KALRN: variants seen among roughly 807,000 people sequenced by gnomAD.
KALRN encodes kalirin RhoGEF kinase, also known as kalirin.
KALRN carries 70 observed loss-of-function variants against 353.7 expected under a neutral mutation model. That is an observed-to-expected ratio of 0.20 (90% confidence interval 0.16 to 0.24). The LOEUF (loss-of-function observed/expected upper bound fraction) is 0.24. Among genes scored for constraint, KALRN ranks in the 10% least tolerant of loss-of-function variants. The probability of loss-of-function intolerance (pLI) is 1.00; values close to 1 mark genes in which losing one functional copy is unlikely to be tolerated. For missense variants in KALRN, 2,791 were observed against 3,756.7 expected (o/e 0.74, Z 6.72); for synonymous variants, 1,391 against 1,434.8 (o/e 0.97, Z 0.69).
intron 34 of KALRN, among the ~76,000 whole-genome samples, chr3:124,627,740 C>G (rs934663927): frequency 2.0e-5 from 3 of 152,192 alleles, no homozygotes; most frequent in Non-Finnish European, 2.9e-5. Context: ...TATCACCCAG[C>G]CTTCTGAGAA....
intron 34 of KALRN, among the ~76,000 whole-genome samples, chr3:124,570,183 A>G (rs1254014833): frequency 6.6e-6 from 1 of 152,224 alleles, no homozygotes; most frequent in Admixed American, 6.5e-5. Flanking sequence ...TTTATGCCAT[A>G]ATGCCTAACA....
chr3:124,105,495 T>C (rs1253901947), intron 1 of KALRN, among the ~76,000 whole-genome samples: 1 of 152,124 alleles, frequency 6.6e-6, no homozygotes, highest in African/African-American at 2.4e-5. Flanking sequence ...TCGAAAGTAT[T>C]GACAAGGGAG....
intron 34 of KALRN, among the ~76,000 whole-genome samples, chr3:124,580,947 A>AAATGATAATAGTAAT (rs2074568257): frequency 6.8e-6 from 1 of 147,530 alleles, no homozygotes; most frequent in Non-Finnish European, 1.5e-5. Context: ...GTCTCTATTA[A>AAATGATAATAGTAAT]AATAATAATA....
At chr3:124,364,984 C>T (rs1040238897) in intron 10 of KALRN, among the ~76,000 whole-genome samples, 2 of 152,216 alleles carry the variant, frequency 1.3e-5, no homozygotes, top group Non-Finnish European at 2.9e-5. Flanking sequence ...CAAAAAGTCA[C>T]TTCCTGAAAA....
At chr3:124,266,726 T>C (rs1264739733) in intron 4 of KALRN, among the ~76,000 whole-genome samples, 1 of 152,224 alleles carries the variant, frequency 6.6e-6, no homozygotes, top group Non-Finnish European at 1.5e-5. Context: ...GACCTGACAC[T>C]TGATGCAGGC....
At chr3:124,717,057 A>G (rs532341330) in intron 58 of KALRN, among the ~76,000 whole-genome samples, 190 bp from the exon 59 acceptor site, 1 of 152,352 alleles carries the variant, frequency 6.6e-6, no homozygotes, top group East Asian at 1.9e-4. Context: ...ATTTGTAAAT[A>G]TATTTATTTT....
At chr3:124,248,445 C>T (rs561675002) in intron 3 of KALRN, among the ~76,000 whole-genome samples, 20 of 152,286 alleles carry the variant, frequency 1.3e-4, no homozygotes, top group East Asian at 1.2e-3. Flanking sequence ...TGCCAGGGGA[C>T]GGAGCATGGA....
rs77910494 is a variant in KALRN at position 124,224,957 on chromosome 3, C to T, written c.74-3033C>T. On this transcript the variant is annotated intron_variant, in intron 1 of 59. Transcript: ENST00000682506. ...TATAAGTCATTTTAGGAAGGGTCAA[C>T]ATTTCATTGATTCATTTATTCTTTC... 4.6e-5 allele frequency among the ~76,000 whole-genome samples: 7 copies of T among 152,280 alleles called. No individual in the cohort carries two copies. The East Asian group carries it at 1.3e-3, about 29-fold the overall frequency.
chr3:124,302,060 C>T (rs904430364), intron 6 of KALRN, among the ~76,000 whole-genome samples: 2 of 152,178 alleles, frequency 1.3e-5, no homozygotes, highest in African/African-American at 4.8e-5. Flanking sequence ...TTTTTAAAGA[C>T]AGTTTCCGGA....
Position 124,113,936 on chromosome 3 carries a change from C to T in KALRN, c.73+80123C>T, listed in dbSNP as rs145888649. 2.6e-4 allele frequency among the ~76,000 whole-genome samples: 40 copies of T among 152,276 alleles called. No homozygotes were observed. In the East Asian group the frequency reaches 7.4e-3, roughly 28 times the overall value. ...ACTTAAGGAGAGAAGGATCCAAGGG[C>T]CATGGTGAATATCTGTCTCAACCCA... On this transcript the variant is annotated intron_variant, in intron 1 of 59. Transcript: ENST00000682506.
At chr3:124,619,374 G>A (rs183535191) in intron 34 of KALRN, among the ~76,000 whole-genome samples, 4 of 151,708 alleles carry the variant, frequency 2.6e-5, no homozygotes, top group African/African-American at 9.7e-5. Flanking sequence ...ATGTTGCAAT[G>A]AATGTAAGGG....
At chr3:124,460,899 C>T (rs938632460) in intron 23 of KALRN, among the ~76,000 whole-genome samples, 2 of 152,182 alleles carry the variant, frequency 1.3e-5, no homozygotes, top group Non-Finnish European at 2.9e-5. Context: ...TTTAAAGATG[C>T]ATAACACAGA....
intron 31 of KALRN, 124 bp downstream of exon 31, chr3:124,491,548 G>A: frequency 1.8e-6 from 1 of 568,862 alleles, no homozygotes; most frequent in Non-Finnish European, 2.8e-6. Context: ...TTTGGGAATG[G>A]CAGCATCACG....
At chr3:124,653,159 T>C (rs1227371234) in intron 38 of KALRN, among the ~76,000 whole-genome samples, 1 of 152,234 alleles carries the variant, frequency 6.6e-6, no homozygotes, top group Non-Finnish European at 1.5e-5. Flanking sequence ...GGTGTTTCAC[T>C]GTAAACCATA....
chr3:124,702,596 T>G (rs1361817852), intron 57 of KALRN, among the ~76,000 whole-genome samples: 1 of 152,228 alleles, frequency 6.6e-6, no homozygotes, highest in Non-Finnish European at 1.5e-5. Flanking sequence ...TACTGATTCC[T>G]TGGTTTTTGT....
At chr3:124,689,441 G>A (rs1408769642) in intron 51 of KALRN, among the ~76,000 whole-genome samples, 1 of 152,094 alleles carries the variant, frequency 6.6e-6, no homozygotes, top group East Asian at 1.9e-4. Context: ...AAGCTCAAGT[G>A]ATCCTCCTGC....
chr3:124,306,916 C>A (rs1187757456), intron 6 of KALRN, among the ~76,000 whole-genome samples: 1 of 152,104 alleles, frequency 6.6e-6, no homozygotes, highest in Non-Finnish European at 1.5e-5. Flanking sequence ...ATTCAAAAAT[C>A]AAGGTGAAAT....
intron 3 of KALRN, among the ~76,000 whole-genome samples, chr3:124,250,314 G>T (rs1035497332): frequency 2.6e-5 from 4 of 152,230 alleles, no homozygotes; most frequent in African/African-American, 9.6e-5. Context: ...AGAGTGTGTG[G>T]GGGTTCCTGT....
chr3:124,331,096 C>T (rs1381260845), intron 8 of KALRN, among the ~76,000 whole-genome samples: 1 of 152,190 alleles, frequency 6.6e-6, no homozygotes, highest in Non-Finnish European at 1.5e-5. Context: ...CCACTTTGAG[C>T]CTGGTTTCAT....
Sources: gnomAD v4.1 joint callset for allele counts (sites outside exome capture counted in the v4.1 genomes callset) on GRCh38, gnomAD v4.1.1 for gene constraint, MANE v1.5 for transcripts, NCBI Gene and HGNC (gene_info 2026-07-23, HGNC 2026-07-21) for gene names.